The following CORO2B variants were observed in gnomAD, a reference collection of about 807,000 sequenced individuals.
The protein encoded by CORO2B is coronin 2B, also known as coronin-2B.
CORO2B carries 26 observed loss-of-function variants against 58.8 expected under a neutral mutation model. That is an observed-to-expected ratio of 0.44 (90% CI 0.32 to 0.61). CORO2B has a LOEUF of 0.61. Among genes scored for constraint, CORO2B ranks in the 20% least tolerant of loss-of-function variants. The pLI, the probability that CORO2B is intolerant of heterozygous loss-of-function variation, is 0.04. For synonymous variants in CORO2B, 242 were observed against 253.8 expected (o/e 0.95, Z 0.44); for missense variants, 460 against 645.1 (o/e 0.71, Z 3.11).
chr15:68,523,718 T>G, the CORO2B span, among the ~76,000 whole-genome samples: 11 of 152,200 alleles, frequency 7.2e-5, no homozygotes, highest in Non-Finnish European at 4.4e-5. Flanking sequence ...TTTGTTCCTC[T>G]GCTCTATCAG....
chr15:68,523,401 C>T, the CORO2B span, among the ~76,000 whole-genome samples: 1 of 151,932 alleles, frequency 6.6e-6, no homozygotes, highest in Non-Finnish European at 1.5e-5. Context: ...CTCCCTATGT[C>T]GCCCAGGCTG....
chr15:68,678,009 T>C (rs1031085879), intron 2 of CORO2B, among the ~76,000 whole-genome samples: 1 of 152,226 alleles, frequency 6.6e-6, no homozygotes, highest in African/African-American at 2.4e-5. Flanking sequence ...CCCAGCCCCC[T>C]GGCCCAGGAG....
At chr15:68,546,846 A>G in the CORO2B span, among the ~76,000 whole-genome samples, 1 of 152,080 alleles carries the variant, frequency 6.6e-6, no homozygotes, top group Admixed American at 6.5e-5. Flanking sequence ...GGCTCTTTAG[A>G]GGAGGGAATA....
chr15:68,689,397 T>C (rs546491201), intron 2 of CORO2B, among the ~76,000 whole-genome samples: 3 of 151,972 alleles, frequency 2.0e-5, no homozygotes, highest in African/African-American at 7.2e-5. Flanking sequence ...TCATGGAACA[T>C]TGAAAAATCT....
intron 2 of CORO2B, among the ~76,000 whole-genome samples, chr15:68,684,052 G>T (rs1028208999): frequency 1.3e-5 from 2 of 152,162 alleles, no homozygotes; most frequent in Non-Finnish European, 2.9e-5. Context: ...GGAAAATTAG[G>T]CAACAGTGTG....
At chr15:68,649,158 A>G (rs1901553257) in intron 2 of CORO2B, among the ~76,000 whole-genome samples, 1 of 152,166 alleles carries the variant, frequency 6.6e-6, no homozygotes, top group Non-Finnish European at 1.5e-5. Context: ...TGGACAGCAG[A>G]AAAGAACGTG....
chr15:68,725,779 G>C, intron 11 of CORO2B, 64 bp from the exon 12 acceptor site: 1 of 1,595,200 alleles, frequency 6.3e-7, no homozygotes, highest in Non-Finnish European at 8.5e-7. Flanking sequence ...ACTCACCTGG[G>C]AAATCCTTGT....
intron 1 of CORO2B, among the ~76,000 whole-genome samples, chr15:68,583,736 A>G (rs114895745): frequency 0.04 from 6,048 of 152,158 alleles, 168 homozygotes; most frequent in African/African-American, 0.068. Context: ...AGATACCTGA[A>G]CCTCCAGACA....
At chr15:68,615,468 T>C (rs1900331894) in intron 1 of CORO2B, among the ~76,000 whole-genome samples, 1 of 152,144 alleles carries the variant, frequency 6.6e-6, no homozygotes. Context: ...TCCTGAGCCA[T>C]TGGCTGTGGC....
At position 68,718,658 on chromosome 15, in the gene CORO2B, T is replaced by C. The variant is rs954764756; in HGVS notation, c.968-40T>C. On this transcript the variant is annotated intron_variant, in intron 8 of 11. Transcript: ENST00000261861. ...ATGGGGTGATGTCACTGAGACGCAG[T>C]TTCTGGGACCCCATGGAGCCACATG... is the stretch of plus-strand genomic sequence containing the variant. The C allele has an allele frequency of 4.5e-6, 7 of 1,545,362 alleles. No individual in the cohort carries two copies. The Admixed American group carries it at 8.5e-5, about 19-fold the overall frequency.
At chr15:68,683,029 C>T (rs1354293857) in intron 2 of CORO2B, among the ~76,000 whole-genome samples, 1 of 152,176 alleles carries the variant, frequency 6.6e-6, no homozygotes, top group East Asian at 1.9e-4. Context: ...CCCATGCACA[C>T]AGGAGAAGTT....
At chr15:68,644,385 G>A (rs556940429) in intron 1 of CORO2B, among the ~76,000 whole-genome samples, 2 of 152,272 alleles carry the variant, frequency 1.3e-5, no homozygotes, top group South Asian at 2.1e-4. Flanking sequence ...AAATGACATA[G>A]GAAGATCAGA....
intron 1 of CORO2B, among the ~76,000 whole-genome samples, chr15:68,594,191 G>A (rs1356025169): frequency 6.6e-6 from 1 of 152,204 alleles, no homozygotes; most frequent in Non-Finnish European, 1.5e-5. Flanking sequence ...CAGAACTCTG[G>A]TCCACCTGGC....
intron 2 of CORO2B, among the ~76,000 whole-genome samples, chr15:68,676,076 G>A (rs1418992464): frequency 6.6e-6 from 1 of 152,210 alleles, no homozygotes; most frequent in Non-Finnish European, 1.5e-5. Flanking sequence ...AAATACAGTG[G>A]TCAGGGAATC....
intron 1 of CORO2B, chr15:68,616,481 C>A: frequency 1.1e-6 from 1 of 946,012 alleles, no homozygotes; most frequent in African/African-American, 1.8e-5. Context: ...GCTGCCCGGC[C>A]TGCTGGCTTT....
At chr15:68,631,952 G>T (rs1310445750) in intron 1 of CORO2B, 2 of 985,384 alleles carry the variant, frequency 2.0e-6, no homozygotes, top group African/African-American at 3.5e-5. Context: ...CCATCCCTCA[G>T]CATCGCTGGA....
chr15:68,695,715 A>G (rs965721369), intron 3 of CORO2B, among the ~76,000 whole-genome samples: 4 of 152,004 alleles, frequency 2.6e-5, no homozygotes, highest in Non-Finnish European at 4.4e-5. Context: ...AGGAAAGGAG[A>G]CTTAGCTGAG....
the CORO2B span, among the ~76,000 whole-genome samples, chr15:68,548,210 A>T: frequency 6.6e-6 from 1 of 150,524 alleles, no homozygotes; most frequent in South Asian, 2.1e-4. Context: ...TGTGTGTTTT[A>T]AAAAATCAAT....
the CORO2B span, among the ~76,000 whole-genome samples, chr15:68,550,773 C>A: frequency 1.3e-5 from 2 of 152,324 alleles, no homozygotes; most frequent in African/African-American, 4.8e-5. Flanking sequence ...AGCCAGAACA[C>A]ATCTGAGATG....
Sources: allele counts gnomAD v4.1 joint callset (sites outside exome capture counted in the v4.1 genomes callset), GRCh38; gene constraint gnomAD v4.1.1; transcripts MANE v1.5; gene names NCBI Gene and HGNC (gene_info 2026-07-23, HGNC 2026-07-21).